MROH7: variants seen among roughly 807,000 people sequenced by gnomAD.
The protein encoded by MROH7 is maestro heat-like repeat-containing protein family member 7.
MROH7 carries 113 observed loss-of-function variants against 129.2 expected under a neutral mutation model. That is an observed-to-expected ratio of 0.87 (90% CI 0.75 to 1.02). MROH7 has a LOEUF of 1.02. Among genes scored for constraint, MROH7 ranks in the 50% least tolerant of loss-of-function variants. MROH7 has a pLI of 0.00. For synonymous variants in MROH7, 655 were observed against 667.9 expected, an observed-to-expected ratio of 0.98 and a Z score of 0.30; for missense variants, 1,601 against 1,671.3, an observed-to-expected ratio of 0.96 and a Z score of 0.73.
At chr1:54,708,967 G>GCCC in intron 22 of MROH7, 47 bp from the exon 23 acceptor site, 1 of 1,329,290 alleles carries the variant, frequency 7.5e-7, no homozygotes, top group Non-Finnish European at 1.0e-6. Flanking sequence ...TTGGGGTGGG[G>GCCC]TCGACGTCGG....
chr1:54,654,082 G>A lies in MROH7; in HGVS notation c.1156G>A (p.Gly386Ser), dbSNP rs1460605836. 6.2e-6 allele frequency: 10 copies of A among 1,613,942 alleles called. No homozygotes were observed. The highest frequency in any genetic ancestry group is 1.1e-5 in the South Asian group (1 of 91,066). Residue 386 changes from glycine to serine, a missense_variant, in exon 3 of 24, where the codon GGC (glycine) becomes AGC (serine). Physicochemically the swap from Gly to Ser is moderately conservative, Grantham distance 56. Coordinates refer to ENST00000421030, the MANE Select transcript of MROH7 (RefSeq NM_001039464.4). ...SWSEMASIKV[G>S]QFPLGFPISN... Reference sequence around the variant, plus strand: ...GAGTGAGATGGCCAGCATTAAGGTGGGCCAGTTCCCGCTGGGATTCCCCAT... The same window carrying A: ...GAGTGAGATGGCCAGCATTAAGGTGAGCCAGTTCCCGCTGGGATTCCCCAT...
chr1:54,696,420 T>G (rs913069379), intron 17 of MROH7, among the ~76,000 whole-genome samples: 1 of 152,188 alleles, frequency 6.6e-6, no homozygotes, highest in South Asian at 2.1e-4. Flanking sequence ...ACCATTCATC[T>G]CCAGAACTTT....
At position 54,682,698 on chromosome 1, in the gene MROH7, C is replaced by T. The variant is rs1451775083; in HGVS notation, c.2424C>T (p.Pro808=). 6.2e-7 allele frequency: 1 copy of T among 1,614,106 alleles called. No individual in the cohort carries two copies. Among genetic ancestry groups the T allele is most frequent in the Non-Finnish European group, 8.5e-7 (1 of 1,180,012 alleles). Residue 808 remains proline (P), a synonymous_variant, in exon 14 of 24, where the codon CCC becomes CCT. Transcript: ENST00000421030. ...GGAGGCAGCTGATACTGTGTAAGCC[C>T]AGCTGTGATGTCCGAGACCTCCTGG... ...EMWRQLILCK[P]SCDVRDLLDL...
At chr1:54,679,545 C>T (rs1323223417) in intron 12 of MROH7, 106 bp downstream of exon 12, 5 of 1,242,026 alleles carry the variant, frequency 4.0e-6, no homozygotes, top group Non-Finnish European at 5.6e-6. Flanking sequence ...GTGGGGTATA[C>T]CTGAACCCCC....
intron 20 of MROH7, 67 bp downstream of exon 20, chr1:54,702,312 G>T (rs1282755950): frequency 1.5e-6 from 2 of 1,311,994 alleles, no homozygotes; most frequent in African/African-American, 3.1e-5. Context: ...CTCTTTTTAC[G>T]TTAACCAAGC....
intron 15 of MROH7, among the ~76,000 whole-genome samples, chr1:54,690,106 CT>C (rs936004594): frequency 6.6e-6 from 1 of 152,186 alleles, no homozygotes; most frequent in Non-Finnish European, 1.5e-5. Flanking sequence ...CAGAGAAAGC[CT>C]TTTAGAAGGG....
intron 21 of MROH7, 56 bp downstream of exon 21, chr1:54,702,801 T>C: frequency 1.3e-6 from 2 of 1,544,414 alleles, no homozygotes; most frequent in South Asian, 1.2e-5. Flanking sequence ...AGGTGGCGAA[T>C]TCTGTGTCTC....
At chr1:54,683,660 T>A (rs2077434) in intron 14 of MROH7, among the ~76,000 whole-genome samples, 1 of 151,934 alleles carries the variant, frequency 6.6e-6, no homozygotes, top group South Asian at 2.1e-4. Flanking sequence ...CCTGGCCGGC[T>A]TCCCCACGCT....
chr1:54,688,774 G>A (rs1645189770), intron 15 of MROH7, among the ~76,000 whole-genome samples: 1 of 152,186 alleles, frequency 6.6e-6, no homozygotes, highest in Non-Finnish European at 1.5e-5. Flanking sequence ...CCAGAAGGCT[G>A]ACGGGCTCTG....
chr1:54,675,455 A>G (rs1458280541), intron 10 of MROH7, among the ~76,000 whole-genome samples: 1 of 152,176 alleles, frequency 6.6e-6, no homozygotes, highest in African/African-American at 2.4e-5. Flanking sequence ...TGGGACAAAG[A>G]TCTGGTCCCT....
Position 54,710,154 on chromosome 1 carries a change from A to C in MROH7, c.3939A>C (p.Ala1313=). 1 of 1,613,476 alleles carries C rather than the reference A, an allele frequency of 6.2e-7. No homozygotes were observed. The highest frequency in any genetic ancestry group is 8.5e-7 in the Non-Finnish European group (1 of 1,179,968). Residue 1313 remains alanine, a synonymous_variant, in exon 24 of 24, where the codon GCA becomes GCC. Coordinates refer to ENST00000421030, the MANE Select transcript of MROH7 (RefSeq NM_001039464.4). ...AGCGGCGCTCCTGGATCATGCAGGC[A>C]CTGGGCTCCTGGAAGATGTCCTTGA... ...SHQRRSWIMQ[A]LGSWKMSLKK
At chr1:54,699,159 T>TGTCTGTCTGTC (rs1293867516) in intron 17 of MROH7, 1 of 65,920 alleles carries the variant, frequency 1.5e-5, no homozygotes, top group African/African-American at 5.7e-5. Context: ...TCTTTCTTTC[T>TGTCTGTCTGTC]TTTCTTTCTT....
At chr1:54,674,199 T>A in intron 10 of MROH7, 48 bp downstream of exon 10, 2 of 1,587,008 alleles carry the variant, frequency 1.3e-6, no homozygotes, top group Non-Finnish European at 1.7e-6. Flanking sequence ...GAGTTGTTGC[T>A]CAGTCTGGAT....
chr1:54,695,632 T>G, intron 17 of MROH7, 142 bp downstream of exon 17: 1 of 711,428 alleles, frequency 1.4e-6, no homozygotes, highest in Non-Finnish European at 2.6e-6. Flanking sequence ...TATGATGATC[T>G]TGTTGGTCTC....
At chr1:54,667,459 AT>A (rs35832047) in intron 4 of MROH7, among the ~76,000 whole-genome samples, 80 of 147,884 alleles carry the variant, frequency 5.4e-4, no homozygotes, top group African/African-American at 1.5e-3. Flanking sequence ...AGTGTTTACA[AT>A]TTTTTTTTTT....
intron 3 of MROH7, among the ~76,000 whole-genome samples, chr1:54,655,899 T>C (rs931129906): frequency 6.6e-6 from 1 of 150,964 alleles, no homozygotes; most frequent in African/African-American, 2.4e-5. Flanking sequence ...TAGTATTTTT[T>C]TTTTTTTTTT....
At chr1:54,667,892 GC>G (rs1644837466) in intron 4 of MROH7, among the ~76,000 whole-genome samples, 1 of 152,232 alleles carries the variant, frequency 6.6e-6, no homozygotes, top group Non-Finnish European at 1.5e-5. Flanking sequence ...CGAGATTATA[GC>G]GAGCTGTGAC....
chr1:54,653,081 GT>G lies in MROH7; in HGVS notation c.156del (p.Pro53LeufsTer13), dbSNP rs1644582939. On this transcript the variant is annotated frameshift_variant, in exon 3 of 24. Coordinates refer to ENST00000421030, the MANE Select transcript of MROH7 (RefSeq NM_001039464.4). LOFTEE classifies it high-confidence loss of function. ...GTGCCTATGTTGAATCTGCTCCCAAGTCCTGGCTTGGCTCTCGTTCCAGATC... is the reference window on the plus strand; with the variant it reads ...GTGCCTATGTTGAATCTGCTCCCAAGCCTGGCTTGGCTCTCGTTCCAGATC... The part of the protein sequence containing the change: ...AQVPMLNLLP[S>X]PGLALVPDLN... The G allele has an allele frequency of 3.1e-6, 5 of 1,614,176 alleles. No homozygotes were observed. Among genetic ancestry groups the G allele is most frequent in the Non-Finnish European group, 4.2e-6 (5 of 1,180,030 alleles).
intron 10 of MROH7, among the ~76,000 whole-genome samples, chr1:54,677,186 G>A (rs954329681): frequency 6.6e-6 from 1 of 152,068 alleles, no homozygotes; most frequent in African/African-American, 2.4e-5. Flanking sequence ...ATCAGCTGAG[G>A]TCCGGAGTTC....
Sources: gnomAD v4.1 joint callset for allele counts (sites outside exome capture counted in the v4.1 genomes callset) on GRCh38, gnomAD v4.1.1 for gene constraint, MANE v1.5 for transcripts, NCBI Gene and HGNC (gene_info 2026-07-23, HGNC 2026-07-21) for gene names.